Variants in COL10A1 observed in about 807,000 individuals in gnomAD.
COL10A1 encodes collagen alpha-1(X) chain.
In COL10A1, 10 loss-of-function variants were observed where a neutral mutation model predicts 18.2. That is an observed-to-expected ratio of 0.55 (90% CI 0.34 to 0.93). COL10A1 has a LOEUF of 0.93. COL10A1 is among the 40% of genes least tolerant of loss of function. The pLI, the probability that COL10A1 is intolerant of heterozygous loss-of-function variation, is 0.02. For synonymous variants in COL10A1, 330 were observed against 316.6 expected, an observed-to-expected ratio of 1.04 and a Z score of -0.45; for missense variants, 897 against 853.5, an observed-to-expected ratio of 1.05 and a Z score of -0.64.
At chr6:116,209,538 G>A in the COL10A1 span, among the ~76,000 whole-genome samples, 1 of 151,972 alleles carries the variant, frequency 6.6e-6, no homozygotes, top group Non-Finnish European at 1.5e-5. Flanking sequence ...CATGATGAAT[G>A]CCATCATTGA....
chr6:116,146,854 C>T (rs188642573), intron 1 of COL10A1, among the ~76,000 whole-genome samples: 110 of 151,738 alleles, frequency 7.2e-4, no homozygotes, highest in Non-Finnish European at 1.2e-3. Flanking sequence ...GGATAGCCAT[C>T]TGAAAAAATA....
chr6:116,192,553 A>G, the COL10A1 span, among the ~76,000 whole-genome samples: 1 of 152,038 alleles, frequency 6.6e-6, no homozygotes, highest in Non-Finnish European at 1.5e-5. Context: ...AAAAAGCAAA[A>G]CTTCCTAAAC....
chr6:116,198,290 A>AT, the COL10A1 span, among the ~76,000 whole-genome samples: 1 of 152,084 alleles, frequency 6.6e-6, no homozygotes, highest in Non-Finnish European at 1.5e-5. Context: ...CTGAAACAGA[A>AT]AACAGTCAAT....
the COL10A1 span, among the ~76,000 whole-genome samples, chr6:116,203,592 T>A: frequency 6.6e-6 from 1 of 152,016 alleles, no homozygotes; most frequent in Non-Finnish European, 1.5e-5. Flanking sequence ...TATATTAATA[T>A]AACTACACCA....
chr6:116,164,362 C>T, the COL10A1 span, among the ~76,000 whole-genome samples: 1 of 151,866 alleles, frequency 6.6e-6, no homozygotes, highest in Non-Finnish European at 1.5e-5. Context: ...TTTTTTTACT[C>T]TTGTTGGTTT....
At chr6:116,161,189 T>G (rs1014399669), upstream of COL10A1, among the ~76,000 whole-genome samples, 2 of 96,986 alleles carry the variant, frequency 2.1e-5, no homozygotes, top group Admixed American at 2.9e-4. Flanking sequence ...TGGGGACTGT[T>G]GTGGGGTGGG....
At chr6:116,154,061 G>T (rs1431535064) in intron 1 of COL10A1, among the ~76,000 whole-genome samples, 1 of 148,768 alleles carries the variant, frequency 6.7e-6, no homozygotes, top group African/African-American at 2.5e-5. Context: ...ACAGAGTCTG[G>T]TGATGGGCTA....
upstream of COL10A1, among the ~76,000 whole-genome samples, chr6:116,161,743 G>T (rs1305017587): frequency 1.3e-5 from 2 of 152,210 alleles, no homozygotes; most frequent in East Asian, 3.9e-4. Context: ...TTTTATAATT[G>T]TTTTTTCTAA....
intron 1 of COL10A1, among the ~76,000 whole-genome samples, chr6:116,149,863 T>G (rs974898955): frequency 6.6e-6 from 1 of 152,226 alleles, no homozygotes; most frequent in Non-Finnish European, 1.5e-5. Context: ...AGGAATTTGA[T>G]TTGCACAACA....
At chr6:116,182,222 A>AGAGTGTGTGTGTGTGT in the COL10A1 span, among the ~76,000 whole-genome samples, 4,104 of 124,548 alleles carry the variant, frequency 0.033, 72 homozygotes, top group Non-Finnish European at 0.049. Context: ...TTCCATGGAG[A>AGAGTGTGTGTGTGTGT]GTGTGTGTGT....
chr6:116,163,081 C>G (rs573139203), upstream of COL10A1, among the ~76,000 whole-genome samples: 13 of 141,396 alleles, frequency 9.2e-5, no homozygotes, highest in Non-Finnish European at 1.9e-4. Flanking sequence ...GAGCCGAGAT[C>G]GTGCCACTGC....
chr6:116,196,043 C>T, the COL10A1 span, among the ~76,000 whole-genome samples: 1 of 151,928 alleles, frequency 6.6e-6, no homozygotes, highest in African/African-American at 2.4e-5. Context: ...TTGGTGTTGT[C>T]GGGTTGTTAA....
At position 116,120,132 on chromosome 6, in the gene COL10A1, G is replaced by A; in HGVS notation, c.1984C>T (p.Leu662=). ...LQLPNAESNG[L]YSSEYVHSSF... is the part of the protein sequence containing the mutation. Reference sequence around the variant, plus strand: ...GAGTGGACATACTCAGAGGAGTATAGGCCATTTGACTCGGCATTGGGAAGC... The same window carrying A: ...GAGTGGACATACTCAGAGGAGTATAAGCCATTTGACTCGGCATTGGGAAGC... Residue 662 remains leucine (L), a synonymous_variant, in exon 3 of 3, where the codon CTA becomes TTA. Coordinates refer to ENST00000651968, the MANE Select transcript of COL10A1 (RefSeq NM_000493.4). The A allele has an allele frequency of 6.2e-7, 1 of 1,614,130 alleles. No individual in the cohort carries two copies. The highest frequency in any genetic ancestry group is 1.6e-4 in the Middle Eastern group (1 of 6,062).
chr6:116,130,703 A>G (rs75246210), upstream of COL10A1, among the ~76,000 whole-genome samples: 1,725 of 152,172 alleles, frequency 0.011, 77 homozygotes, highest in Admixed American at 0.085. Flanking sequence ...GATGTAGCCA[A>G]TGCACATTCA....
the COL10A1 span, among the ~76,000 whole-genome samples, chr6:116,212,079 A>C: frequency 3.9e-5 from 6 of 152,234 alleles, no homozygotes; most frequent in Admixed American, 3.9e-4. Context: ...CAAAGAAATT[A>C]TTTCATTATT....
chr6:116,182,624 C>A, the COL10A1 span, among the ~76,000 whole-genome samples: 4 of 151,970 alleles, frequency 2.6e-5, no homozygotes, highest in African/African-American at 9.7e-5. Flanking sequence ...GTTTGCATTT[C>A]CCTGATCGCT....
At chr6:116,176,057 A>G in the COL10A1 span, among the ~76,000 whole-genome samples, 2 of 152,194 alleles carry the variant, frequency 1.3e-5, no homozygotes, top group Admixed American at 6.5e-5. Context: ...TTACACCTCA[A>G]AATGGACTTG....
chr6:116,130,754 G>C (rs1402194157), upstream of COL10A1, among the ~76,000 whole-genome samples: 3 of 152,016 alleles, frequency 2.0e-5, no homozygotes, highest in Non-Finnish European at 4.4e-5. Flanking sequence ...TCTTGTATCT[G>C]TAGCTGCTTG....
intron 1 of COL10A1, among the ~76,000 whole-genome samples, chr6:116,144,212 TGTAA>T (rs1779836716): frequency 6.6e-6 from 1 of 152,018 alleles, no homozygotes; most frequent in Non-Finnish European, 1.5e-5. Context: ...AACATTAAAG[TGTAA>T]AAGGAGGCCA....
Sources: allele counts gnomAD v4.1 joint callset (sites outside exome capture counted in the v4.1 genomes callset), GRCh38; gene constraint gnomAD v4.1.1; transcripts MANE v1.5; gene names NCBI Gene and HGNC (gene_info 2026-07-23, HGNC 2026-07-21).